Variants in PTPRD observed in about 807,000 individuals in gnomAD.
The protein encoded by PTPRD is receptor-type tyrosine-protein phosphatase delta.
Under a neutral mutation model 214.5 loss-of-function variants are expected in PTPRD, and 34 were observed. The ratio of observed to expected loss-of-function variants is 0.16; its 90% confidence interval spans 0.12 to 0.21. The LOEUF (loss-of-function observed/expected upper bound fraction) is 0.21. Ranked by LOEUF, PTPRD falls within the 10% of genes least tolerant of loss-of-function variation. The probability of loss-of-function intolerance (pLI) is 1.00; values close to 1 mark genes in which losing one functional copy is unlikely to be tolerated. For synonymous variants in PTPRD, 1,128 were observed against 845.7 expected (o/e 1.33, Z -5.79); for missense variants, 2,545 against 2,398.7 (o/e 1.06, Z -1.27).
At chr9:10,072,400 G>A (rs913217439) in intron 3 of PTPRD, among the ~76,000 whole-genome samples, 1 of 152,094 alleles carries the variant, frequency 6.6e-6, no homozygotes, top group Admixed American at 6.6e-5. Context: ...CCGACTTCAA[G>A]AATGGAGCCA....
chr9:8,502,782 T>C (rs1379769550), intron 23 of PTPRD, among the ~76,000 whole-genome samples: 1 of 151,538 alleles, frequency 6.6e-6, no homozygotes, highest in African/African-American at 2.4e-5. Context: ...TTTACTTTAA[T>C]AAAATAAGGA....
At chr9:9,543,548 C>G (rs1356561984) in intron 8 of PTPRD, among the ~76,000 whole-genome samples, 2 of 151,004 alleles carry the variant, frequency 1.3e-5, no homozygotes, top group Non-Finnish European at 3.0e-5. Flanking sequence ...CTAAGTTTTC[C>G]AAGGTAGGGT....
At chr9:10,275,241 T>A (rs951768927) in intron 3 of PTPRD, among the ~76,000 whole-genome samples, 1 of 152,128 alleles carries the variant, frequency 6.6e-6, no homozygotes, top group African/African-American at 2.4e-5. Context: ...CTGATAATTT[T>A]TCTGAAAGAA....
intron 22 of PTPRD, among the ~76,000 whole-genome samples, chr9:8,505,388 C>T (rs952472719): frequency 1.3e-5 from 2 of 151,968 alleles, no homozygotes; most frequent in Non-Finnish European, 2.9e-5. Flanking sequence ...TTTGGGAGGC[C>T]AAGGCGGGCG....
intron 9 of PTPRD, among the ~76,000 whole-genome samples, chr9:9,242,881 G>T (rs1389136055): frequency 6.6e-6 from 1 of 152,132 alleles, no homozygotes; most frequent in East Asian, 1.9e-4. Flanking sequence ...CATTGCTGGT[G>T]AGGAGCTGCG....
chr9:9,931,673 C>G (rs1361134914), intron 5 of PTPRD, among the ~76,000 whole-genome samples: 1 of 151,104 alleles, frequency 6.6e-6, no homozygotes, highest in Non-Finnish European at 1.5e-5. Context: ...ATTGCCCAGG[C>G]GTGCTTAGGT....
chr9:9,125,287 C>A (rs1310576172), intron 10 of PTPRD, among the ~76,000 whole-genome samples: 2 of 152,136 alleles, frequency 1.3e-5, no homozygotes, highest in Non-Finnish European at 2.9e-5. Flanking sequence ...GTCATGGGAG[C>A]ACCTCGCTGC....
intron 4 of PTPRD, among the ~76,000 whole-genome samples, chr9:9,976,374 G>C (rs2095351560): frequency 6.6e-6 from 1 of 151,778 alleles, no homozygotes; most frequent in Admixed American, 6.6e-5. Context: ...CATCATCCAG[G>C]TGATTAACTA....
intron 2 of PTPRD, among the ~76,000 whole-genome samples, chr9:10,561,569 AAT>A (rs2063972962): frequency 6.6e-6 from 1 of 152,184 alleles, no homozygotes; most frequent in Admixed American, 6.5e-5. Context: ...CTACAGATTC[AAT>A]AGAGACCAAA....
chr9:9,735,608 G>T (rs868295424), intron 6 of PTPRD, among the ~76,000 whole-genome samples: 2 of 152,046 alleles, frequency 1.3e-5, no homozygotes, highest in Non-Finnish European at 2.9e-5. Flanking sequence ...AAATCATCCC[G>T]AAGGAAGCTA....
chr9:8,800,800 AC>A (rs1409321306), intron 11 of PTPRD, among the ~76,000 whole-genome samples: 1 of 152,140 alleles, frequency 6.6e-6, no homozygotes, highest in Non-Finnish European at 1.5e-5. Context: ...AGATCCAAGA[AC>A]CCTCTCATGG....
intron 3 of PTPRD, among the ~76,000 whole-genome samples, chr9:10,198,918 T>A (rs1040007892): frequency 1.3e-5 from 2 of 152,112 alleles, no homozygotes; most frequent in African/African-American, 4.8e-5. Context: ...TAGGGGTCAC[T>A]TTTTTCAGAA....
intron 9 of PTPRD, among the ~76,000 whole-genome samples, chr9:9,241,169 G>C (rs918299970): frequency 2.6e-5 from 4 of 152,084 alleles, no homozygotes; most frequent in Non-Finnish European, 4.4e-5. Flanking sequence ...AAATTTTGCT[G>C]ATTACTTAAA....
intron 4 of PTPRD, among the ~76,000 whole-genome samples, chr9:10,006,749 A>G (rs886466603): frequency 1.3e-5 from 2 of 151,954 alleles, no homozygotes; most frequent in African/African-American, 4.8e-5. Flanking sequence ...GCTCCAGCCT[A>G]TCAATGAAAC....
intron 8 of PTPRD, among the ~76,000 whole-genome samples, chr9:9,550,458 C>A (rs828835): frequency 1.4e-5 from 2 of 147,164 alleles, no homozygotes; most frequent in African/African-American, 2.5e-5. Context: ...TAGTATTATA[C>A]GTAGTATATT....
intron 14 of PTPRD, among the ~76,000 whole-genome samples, chr9:8,605,554 C>T (rs1443080224): frequency 1.3e-5 from 2 of 152,170 alleles, no homozygotes; most frequent in African/African-American, 4.8e-5. Flanking sequence ...TCTAGATGGG[C>T]TAGTTACTGT....
intron 2 of PTPRD, among the ~76,000 whole-genome samples, chr9:10,463,910 G>T (rs1026374485): frequency 6.6e-6 from 1 of 152,052 alleles, no homozygotes; most frequent in Non-Finnish European, 1.5e-5. Flanking sequence ...TTCTGCAGAG[G>T]TTGAAAAAAT....
chr9:9,493,060 T>C (rs1589800477), intron 8 of PTPRD, among the ~76,000 whole-genome samples: 1 of 150,642 alleles, frequency 6.6e-6, no homozygotes, highest in East Asian at 2.0e-4. Context: ...AATAAAACAA[T>C]ATTGAAATTA....
intron 10 of PTPRD, among the ~76,000 whole-genome samples, chr9:9,154,706 A>G (rs2099879736): frequency 1.3e-5 from 2 of 152,188 alleles, no homozygotes; most frequent in Non-Finnish European, 2.9e-5. Context: ...AGCTCTTTGC[A>G]TCTGCTCTCT....
Sources: allele counts gnomAD v4.1 joint callset (sites outside exome capture counted in the v4.1 genomes callset), GRCh38; gene constraint gnomAD v4.1.1; transcripts MANE v1.5; gene names NCBI Gene and HGNC (gene_info 2026-07-23, HGNC 2026-07-21).